STXBP2: variants seen among roughly 807,000 people sequenced by gnomAD.
The protein encoded by STXBP2 is syntaxin-binding protein 2.
In STXBP2, 47 loss-of-function variants were observed where a neutral mutation model predicts 72.2. The observed-to-expected ratio is 0.65, with a 90% CI of 0.51 to 0.83. The LOEUF is 0.83. Ranked by LOEUF, STXBP2 falls within the 40% of genes least tolerant of loss-of-function variation. STXBP2 has a pLI of 0.00. For synonymous variants in STXBP2, 367 were observed against 338.7 expected (o/e 1.08, Z -0.92); for missense variants, 702 against 807.6 (o/e 0.87, Z 1.58).
the STXBP2 span, chr19:7,630,250 G>C: frequency 4.3e-6 from 2 of 460,902 alleles, no homozygotes; most frequent in South Asian, 2.9e-5. Flanking sequence ...GGGTTTGGGG[G>C]TGCTCCCGGG....
At position 7,645,268 on chromosome 19, in the gene STXBP2, A is replaced by T. The variant is rs1339259286; in HGVS notation, c.1318A>T (p.Asn440Tyr). The change falls in exon 15 of 19, where the codon AAC becomes TAC. Residue 440 changes from asparagine (N) to tyrosine (Y), a missense_variant. Transcript: ENST00000221283. ...ACAGGCGCACAGCAGCCTCATCCGT[A>T]ACCTGGAGCAGCTGGGAGGCACTGT... The part of the protein sequence containing the change: ...NVQAHSSLIR[N>Y]LEQLGGTVTN... 6.3e-7 allele frequency: 1 copy of T among 1,587,210 alleles called. No homozygotes were observed. Among genetic ancestry groups the T allele is most frequent in the South Asian group, 1.1e-5 (1 of 87,356 alleles).
chr19:7,632,732 G>A, upstream of STXBP2: 1 of 1,560,230 alleles, frequency 6.4e-7, no homozygotes, highest in Non-Finnish European at 8.6e-7. The surrounding 1 kb of genome is among the most constrained non-coding windows in gnomAD (Gnocchi z 5.2). Flanking sequence ...TGGTGGTCTG[G>A]CCCGGCCCGG....
chr19:7,642,151 C>T lies in STXBP2; in HGVS notation c.663+33C>T. 4 of 1,613,996 alleles carry T rather than the reference C, an allele frequency of 2.5e-6. No homozygotes were observed. The highest frequency in any genetic ancestry group is 3.4e-6 in the Non-Finnish European group (4 of 1,179,926). On this transcript the variant is annotated intron_variant, in intron 8 of 18. Transcript: ENST00000221283. This position sits in a 1 kb window ranked among gnomAD's most constrained non-coding sequence, Gnocchi z 6.0. ...GGCGTGCTTGGGAGGTGAGGGGCAGCCCCAACCGGCTCAGGGTCAGTGCCT... is the reference window on the plus strand; with the variant it reads ...GGCGTGCTTGGGAGGTGAGGGGCAGTCCCAACCGGCTCAGGGTCAGTGCCT...
At chr19:7,632,540 G>A, upstream of STXBP2, 1 of 1,610,986 alleles carries the variant, frequency 6.2e-7, no homozygotes, top group Non-Finnish European at 8.5e-7. The surrounding 1 kb of genome is among the most constrained non-coding windows in gnomAD (Gnocchi z 5.2). Context: ...TCACAGACTT[G>A]GGAGGACACA....
At chr19:7,643,372 T>G in intron 13 of STXBP2, 127 bp downstream of exon 13, 2 of 995,466 alleles carry the variant, frequency 2.0e-6, no homozygotes, top group Non-Finnish European at 3.0e-6. Context: ...GGAGGGGCCT[T>G]GGAGAGAGGT....
chr19:7,640,265 C>T (rs535157503), intron 4 of STXBP2: 72 of 476,372 alleles, frequency 1.5e-4, no homozygotes, highest in African/African-American at 4.1e-4. Context: ...TGTGTGTATG[C>T]GTGTATATGT....
chr19:7,631,634 T>C, the STXBP2 span: 2 of 1,454,330 alleles, frequency 1.4e-6, no homozygotes, highest in Non-Finnish European at 1.8e-6. Context: ...ATTTAAGTGT[T>C]TTATTCTTTT....
intron 13 of STXBP2, among the ~76,000 whole-genome samples, chr19:7,644,060 G>A (rs1483148271): frequency 1.2e-4 from 18 of 149,684 alleles, no homozygotes; most frequent in East Asian, 5.9e-4. Flanking sequence ...TGGAGAGGTG[G>A]GACCTGGGTG....
intron 6 of STXBP2, 108 bp from the exon 7 acceptor site, chr19:7,641,597 T>C: frequency 2.0e-6 from 3 of 1,485,534 alleles, no homozygotes; most frequent in Non-Finnish European, 2.8e-6. Context: ...AAAGCAGGCT[T>C]CAGGGACCAG....
intron 15 of STXBP2, 42 bp downstream of exon 15, chr19:7,645,348 C>T (rs201536864): frequency 6.2e-5 from 95 of 1,530,102 alleles, no homozygotes; most frequent in African/African-American, 3.7e-4. Context: ...GGAGAGGGTG[C>T]GGATCACAGC....
intron 1 of STXBP2, 151 bp downstream of exon 1, chr19:7,637,337 A>C: frequency 1.3e-5 from 7 of 555,540 alleles, no homozygotes; most frequent in Non-Finnish European, 1.3e-5. Flanking sequence ...GCGGGCGGGG[A>C]CGGGTTCCCA....
rs2031941944 is a variant in STXBP2, at chr19:7,642,673, C to G, written c.903-93C>G. The G allele has an allele frequency of 6.8e-7, 1 of 1,480,418 alleles. No homozygotes were observed. The highest frequency in any genetic ancestry group is 1.8e-5 in the Admixed American group (1 of 56,258). The allele number at this position is 1,480,418 out of a possible 1,614,324, so 91.7% of individuals were successfully genotyped here. A position where few individuals can be genotyped will look rare whatever the true frequency, so the allele number is the denominator to read the frequency against. On this transcript the variant is annotated intron_variant, in intron 10 of 18. Transcript: ENST00000221283. This position sits in a 1 kb window ranked among gnomAD's most constrained non-coding sequence, Gnocchi z 6.0. ...GTGACTCCAGACTGGCCTCCAATTTCACCCCACCTCTCCCTGTCCCCCCTG... is the reference window on the plus strand; with the variant it reads ...GTGACTCCAGACTGGCCTCCAATTTGACCCCACCTCTCCCTGTCCCCCCTG...
At chr19:7,631,815 A>C in the STXBP2 span, 5 of 1,390,162 alleles carry the variant, frequency 3.6e-6, no homozygotes, top group Admixed American at 1.4e-4. Flanking sequence ...CGTCCTGTGG[A>C]TGAAGAGGGG....
chr19:7,645,904 C>T (rs2032114754), intron 15 of STXBP2: 1 of 438,002 alleles, frequency 2.3e-6, no homozygotes, highest in African/African-American at 2.0e-5. Flanking sequence ...TCTCCGTCCC[C>T]CTTCTGTCCC....
intron 15 of STXBP2, 182 bp from the exon 16 acceptor site, chr19:7,646,067 C>G (rs908106733): frequency 3.2e-6 from 2 of 615,958 alleles, no homozygotes; most frequent in Non-Finnish European, 5.8e-6. Flanking sequence ...CTCTCCGTCT[C>G]TCTCTGGCTC....
rs2031956232 is a variant in STXBP2, at chr19:7,642,968, C to T, written c.961-15C>T. The stretch of plus-strand genomic sequence containing the variant: ...TCGCCCCCCAATCCCTACCCTCTTC[C>T]CCCTACTTCCCCAGGCGAACATCAA... On this transcript the variant is annotated splice_polypyrimidine_tract_variant and intron_variant, in intron 11 of 18. Coordinates refer to ENST00000221283, the MANE Select transcript of STXBP2 (RefSeq NM_006949.4). The surrounding 1 kb of genome is among the most constrained non-coding windows in gnomAD (Gnocchi z 6.0). The T allele has an allele frequency of 6.8e-6, 11 of 1,614,162 alleles. No individual in the cohort carries two copies. Among genetic ancestry groups the T allele is most frequent in the Non-Finnish European group, 9.3e-6 (11 of 1,180,022 alleles).
At chr19:7,640,360 GTGTA>G in intron 4 of STXBP2, 1 of 566,104 alleles carries the variant, frequency 1.8e-6, no homozygotes, top group Non-Finnish European at 3.3e-6. Context: ...CTGTGCATGT[GTGTA>G]TGCGTGTGTG....
chr19:7,634,650 A>T (rs150884686), upstream of STXBP2, among the ~76,000 whole-genome samples: 1,265 of 152,328 alleles, frequency 8.3e-3, 18 homozygotes, highest in African/African-American at 0.027. Context: ...GATTACAGGC[A>T]TGAGCCACCA....
Position 7,642,062 on chromosome 19 carries a change from C to G in STXBP2, c.607C>G (p.His203Asp). Residue 203 changes from histidine (H) to aspartate (D), a missense_variant, in exon 8 of 19, where the codon CAC (histidine) becomes GAC (aspartate). Transcript: ENST00000221283. The surrounding 1 kb of genome is among the most constrained non-coding windows in gnomAD (Gnocchi z 6.0). ...KGPEDTAQLA[H>D]AVLAKLNAFK... ...CCCAGAGGACACAGCCCAGTTGGCC[C>G]ACGCCGTCCTGGCCAAGCTGAACGC... is the stretch of plus-strand genomic sequence containing the variant. The G allele has an allele frequency of 6.2e-7, 1 of 1,614,094 alleles. No homozygotes were observed. The highest frequency in any genetic ancestry group is 1.1e-5 in the South Asian group (1 of 91,086).
Sources: gnomAD v4.1 joint callset for allele counts (sites outside exome capture counted in the v4.1 genomes callset) on GRCh38, gnomAD v4.1.1 for gene constraint, Gnocchi (gnomAD v3.1) non-coding constraint, MANE v1.5 for transcripts, NCBI Gene and HGNC (gene_info 2026-07-23, HGNC 2026-07-21) for gene names.